The following PCDHGA9 variants were observed in gnomAD, a reference collection of about 807,000 sequenced individuals.
The protein encoded by PCDHGA9 is protocadherin gamma subfamily A, 9, also known as protocadherin gamma-A9.
In PCDHGA9, 37 loss-of-function variants were observed where a neutral mutation model predicts 62.5. The observed-to-expected ratio is 0.59, with a 90% CI of 0.46 to 0.78. PCDHGA9 has a LOEUF of 0.78. Among genes scored for constraint, PCDHGA9 ranks in the 30% least tolerant of loss-of-function variants. The pLI is 0.00. For missense variants in PCDHGA9, 1,138 were observed against 1,166.2 expected, an observed-to-expected ratio of 0.98 and a Z score of 0.35; for synonymous variants, 459 against 484.6, an observed-to-expected ratio of 0.95 and a Z score of 0.69.
intron 3 of PCDHGA9, among the ~76,000 whole-genome samples, chr5:141,510,504 G>A (rs371169260): frequency 1.3e-5 from 2 of 152,154 alleles, no homozygotes; most frequent in African/African-American, 4.8e-5. Flanking sequence ...AAGGAACTGA[G>A]AGCCCGTGTC....
At chr5:141,407,214 G>C (rs1230787104) in intron 1 of PCDHGA9, among the ~76,000 whole-genome samples, 2 of 152,146 alleles carry the variant, frequency 1.3e-5, no homozygotes, top group South Asian at 2.1e-4. Context: ...TCCCCCTTAA[G>C]TGGGTAGCAA....
At chr5:141,409,125 A>AT in intron 1 of PCDHGA9, 1 of 1,613,982 alleles carries the variant, frequency 6.2e-7, no homozygotes, top group African/African-American at 1.3e-5. Flanking sequence ...CAGTCATTTG[A>AT]TTTTGAAGAT....
intron 1 of PCDHGA9, chr5:141,478,592 TC>T: frequency 6.4e-7 from 1 of 1,570,334 alleles, no homozygotes; most frequent in Non-Finnish European, 8.6e-7. Flanking sequence ...GCTTTTTTAT[TC>T]CTACATCATA....
At chr5:141,423,750 TGGGGGGGG>T in intron 1 of PCDHGA9, 1 of 287,524 alleles carries the variant, frequency 3.5e-6, no homozygotes, top group Non-Finnish European at 4.5e-6. Flanking sequence ...GAAAACTGTT[TGGGGGGGG>T]GGTGGGGCGG....
intron 2 of PCDHGA9, among the ~76,000 whole-genome samples, chr5:141,502,250 T>A (rs915754322): frequency 2.6e-5 from 4 of 152,242 alleles, no homozygotes; most frequent in East Asian, 3.8e-4. Context: ...TCCTTTTTTT[T>A]AATCCAGGAT....
Position 141,422,144 on chromosome 5 carries a change from G to A in PCDHGA9, c.2424+16768G>A, listed in dbSNP as rs748208921. On this transcript the variant is annotated intron_variant, in intron 1 of 3. Transcript: ENST00000573521. Reference sequence around the variant, plus strand: ...CAAACTGGAGAAGTTCAAGTACGGGGGTCTCTGGATTTTGAAAAATATAGA... The same window carrying A: ...CAAACTGGAGAAGTTCAAGTACGGGAGTCTCTGGATTTTGAAAAATATAGA... 1.9e-6 allele frequency: 3 copies of A among 1,583,402 alleles called. No individual in the cohort carries two copies. In the African/African-American group the frequency reaches 4.1e-5, roughly 22 times the overall value.
chr5:141,475,885 A>T, intron 1 of PCDHGA9: 1 of 556,524 alleles, frequency 1.8e-6, no homozygotes, highest in Non-Finnish European at 3.2e-6. Flanking sequence ...ATTGGCTGGG[A>T]CTCTGTGTGC....
intron 1 of PCDHGA9, among the ~76,000 whole-genome samples, chr5:141,435,710 C>T (rs1033703743): frequency 1.3e-5 from 2 of 152,148 alleles, no homozygotes; most frequent in Admixed American, 6.5e-5. Flanking sequence ...TGGTTACAGA[C>T]ACTGAATGCT....
In PCDHGA9 at chr5:141,495,260, G is replaced by A. The variant is rs368797742; in HGVS notation, c.2483+395G>A. On this transcript the variant is annotated intron_variant, in intron 2 of 3. Transcript: ENST00000573521. ...TATGACCTGGGGCTCAGGCAGAAAA[G>A]CATTTGACCGGAGGAGGCGGTCCGC... Among the ~76,000 whole-genome samples the A allele has an allele frequency of 3.3e-5, 5 of 152,208 alleles. No individual in the cohort carries two copies. The East Asian group carries it at 5.8e-4, about 18-fold the overall frequency.
chr5:141,435,104 G>A (rs1009839042), intron 1 of PCDHGA9, among the ~76,000 whole-genome samples: 1 of 151,968 alleles, frequency 6.6e-6, no homozygotes, highest in Non-Finnish European at 1.5e-5. Flanking sequence ...TTATCTAGGG[G>A]GGAGAAATCT....
At chr5:141,446,767 G>T (rs891355909) in intron 1 of PCDHGA9, among the ~76,000 whole-genome samples, 1 of 152,118 alleles carries the variant, frequency 6.6e-6, no homozygotes, top group African/African-American at 2.4e-5. Flanking sequence ...GCGCCCAGCC[G>T]GTTACCATTC....
In PCDHGA9 at chr5:141,512,470, T is replaced by G. The variant is rs2099884244; in HGVS notation, c.*1297T>G. On this transcript the variant is annotated 3_prime_UTR_variant, in exon 4 of 4. Transcript: ENST00000573521. ...TTCACCTTGCCAGGTGCCGTTTCTC[T>G]TCCGTGAAGGCCACTGCCCAGGTCC... 6.5e-6 allele frequency: 1 copy of G among 152,892 alleles called. No individual in the cohort carries two copies. The highest frequency in any genetic ancestry group is 2.1e-4 in the South Asian group (1 of 4,834). 9.5% of individuals were successfully genotyped at this position (152,892 alleles called of 1,614,324 possible).
chr5:141,488,428 C>A (rs1234461104), intron 1 of PCDHGA9, among the ~76,000 whole-genome samples: 1 of 152,186 alleles, frequency 6.6e-6, no homozygotes, highest in Non-Finnish European at 1.5e-5. Context: ...CATGCTTGGC[C>A]TCTGACCACC....
In PCDHGA9 at chr5:141,487,192, C is replaced by T. The variant is rs2099641028; in HGVS notation, c.2425-7615C>T. ...TAGAGGAAGACACTCATCCAGTTGT[C>T]CCAGATCTTCGAGAATCTTCAGCTC... On this transcript the variant is annotated intron_variant, in intron 1 of 3. Transcript: ENST00000573521. This position sits in a 1 kb window ranked among gnomAD's most constrained non-coding sequence, Gnocchi z 5.0. 15 of 1,613,748 alleles carry T rather than the reference C, an allele frequency of 9.3e-6. No individual in the cohort carries two copies. Among genetic ancestry groups the T allele is most frequent in the African/African-American group, 1.3e-5 (1 of 75,040 alleles).
chr5:141,404,952 G>A lies in PCDHGA9; in HGVS notation c.2000G>A (p.Ser667Asn), dbSNP rs2094589054. 1.9e-6 allele frequency: 3 copies of A among 1,614,030 alleles called. No individual in the cohort carries two copies. Among genetic ancestry groups the A allele is most frequent in the African/African-American group, 1.3e-5 (1 of 75,056 alleles). ...TVTLTVAIAD[S>N]IPDILADLGS... The stretch of plus-strand genomic sequence containing the variant: ...ACGCTCACAGTAGCCATAGCTGACA[G>A]CATCCCAGACATCCTGGCTGACCTG... The change falls in exon 1 of 4, where the codon AGC (serine) becomes AAC (asparagine). Residue 667 changes from serine (S) to asparagine (N), a missense_variant. By Grantham distance (46) the Ser-to-Asn change is conservative (BLOSUM62 1). Transcript: ENST00000573521.
chr5:141,408,060 T>G (rs2095034623), intron 1 of PCDHGA9: 1 of 1,324,738 alleles, frequency 7.5e-7, no homozygotes, highest in Admixed American at 2.9e-5. Flanking sequence ...GCCTCCCGGC[T>G]GCGCAGACCT....
intron 1 of PCDHGA9, chr5:141,428,334 C>T: frequency 1.6e-6 from 1 of 618,848 alleles, no homozygotes; most frequent in Non-Finnish European, 2.9e-6. Flanking sequence ...TTTCTATGCT[C>T]TTCTTCCTCG....
In PCDHGA9 at chr5:141,485,576, C is replaced by T. The variant is rs1347032247; in HGVS notation, c.2425-9231C>T. ...GAATGATCACGCCCCCCGTTTTCCG[C>T]GGCAGCAGCTGGACTTGGAAATTGG... On this transcript the variant is annotated intron_variant, in intron 1 of 3. Transcript: ENST00000573521. The surrounding 1 kb of genome is among the most constrained non-coding windows in gnomAD (Gnocchi z 5.7). 21 of 1,612,296 alleles carry T rather than the reference C, an allele frequency of 1.3e-5. 1 individual carries two copies. Among genetic ancestry groups the T allele is most frequent in the Non-Finnish European group, 1.8e-5 (21 of 1,178,636 alleles).
intron 1 of PCDHGA9, among the ~76,000 whole-genome samples, chr5:141,452,103 TTTCTC>T (rs1428635203): frequency 1.3e-5 from 2 of 152,186 alleles, no homozygotes; most frequent in African/African-American, 4.8e-5. Context: ...AGAGCTTTCT[TTTCTC>T]TTCTTATTTA....
Sources: gnomAD v4.1 joint callset for allele counts (sites outside exome capture counted in the v4.1 genomes callset) on GRCh38, gnomAD v4.1.1 for gene constraint, Gnocchi (gnomAD v3.1) non-coding constraint, MANE v1.5 for transcripts, NCBI Gene and HGNC (gene_info 2026-07-23, HGNC 2026-07-21) for gene names.